The following RAD51B variants were observed in gnomAD, a reference collection of about 807,000 sequenced individuals.
RAD51B encodes the protein RAD51 paralog B.
A neutral mutation model predicts 42.2 loss-of-function variants in RAD51B; 38 were observed. The ratio of observed to expected loss-of-function variants is 0.90; its 90% confidence interval spans 0.70 to 1.18. The LOEUF is 1.18. Among genes scored for constraint, RAD51B ranks in the 50% most tolerant of loss-of-function variants. RAD51B has a pLI of 0.00. For synonymous variants in RAD51B, 154 were observed against 145.2 expected, an observed-to-expected ratio of 1.06 and a Z score of -0.43; for missense variants, 373 against 400.7, an observed-to-expected ratio of 0.93 and a Z score of 0.59.
intron 5 of RAD51B, among the ~76,000 whole-genome samples, chr14:67,875,173 AG>A (rs2042685809): frequency 1.3e-5 from 2 of 152,200 alleles, no homozygotes; most frequent in African/African-American, 2.4e-5. Context: ...AAATCAGAAA[AG>A]CTTTGAAAAT....
intron 7 of RAD51B, among the ~76,000 whole-genome samples, chr14:68,233,861 G>A (rs1051263027): frequency 5.3e-5 from 8 of 152,174 alleles, no homozygotes; most frequent in South Asian, 2.1e-4. Flanking sequence ...AAAATGAGCC[G>A]AAATAGGTTA....
At chr14:68,116,252 A>T (rs554603766) in intron 7 of RAD51B, among the ~76,000 whole-genome samples, 4 of 151,572 alleles carry the variant, frequency 2.6e-5, no homozygotes, top group Non-Finnish European at 5.9e-5. Flanking sequence ...GAACTGCAAG[A>T]CTAACAGTAA....
chr14:68,309,869 G>A (rs2081935207), intron 8 of RAD51B, among the ~76,000 whole-genome samples: 1 of 152,156 alleles, frequency 6.6e-6, no homozygotes, highest in South Asian at 2.1e-4. Flanking sequence ...ATAATCATGG[G>A]GAAGTGGTTA....
At chr14:68,250,955 A>T (rs1272395472) in intron 7 of RAD51B, among the ~76,000 whole-genome samples, 1 of 152,216 alleles carries the variant, frequency 6.6e-6, no homozygotes, top group African/African-American at 2.4e-5. Flanking sequence ...TCAGTGTAAA[A>T]AAGCAACTTA....
chr14:68,343,177 A>C (rs2082605927), intron 8 of RAD51B, among the ~76,000 whole-genome samples: 1 of 152,196 alleles, frequency 6.6e-6, no homozygotes, highest in Non-Finnish European at 1.5e-5. Flanking sequence ...AACAATTTTC[A>C]AATGTACAGT....
chr14:68,199,997 T>C (rs2079450501), intron 7 of RAD51B, among the ~76,000 whole-genome samples: 1 of 152,250 alleles, frequency 6.6e-6, no homozygotes, highest in Non-Finnish European at 1.5e-5. Context: ...TACCCTTTGA[T>C]GTTTATATTG....
intron 5 of RAD51B, among the ~76,000 whole-genome samples, chr14:67,866,763 C>T (rs1223866284): frequency 6.6e-6 from 1 of 152,102 alleles, no homozygotes; most frequent in African/African-American, 2.4e-5. Flanking sequence ...TGTTTTTTGT[C>T]TTTGCATAGA....
At chr14:68,013,598 T>C (rs559443471) in intron 7 of RAD51B, among the ~76,000 whole-genome samples, 1 of 152,314 alleles carries the variant, frequency 6.6e-6, no homozygotes, top group Admixed American at 6.5e-5. Flanking sequence ...TCCATAACAG[T>C]CTTATTTTAC....
intron 7 of RAD51B, among the ~76,000 whole-genome samples, chr14:68,039,116 T>G (rs1258922074): frequency 6.6e-6 from 1 of 152,146 alleles, no homozygotes; most frequent in Non-Finnish European, 1.5e-5. Context: ...GGAAAAAATG[T>G]TAATAACACA....
intron 7 of RAD51B, among the ~76,000 whole-genome samples, chr14:68,010,337 C>G (rs2075662695): frequency 6.6e-6 from 1 of 151,712 alleles, no homozygotes; most frequent in African/African-American, 2.4e-5. Context: ...TAATGCAAGT[C>G]AATATATAAT....
intron 7 of RAD51B, among the ~76,000 whole-genome samples, chr14:68,098,437 A>G (rs2077231907): frequency 6.6e-6 from 1 of 152,248 alleles, no homozygotes; most frequent in Non-Finnish European, 1.5e-5. Flanking sequence ...CTCTGCTGAT[A>G]AAGACATACC....
chr14:68,429,157 A>T (rs914249239), intron 9 of RAD51B, among the ~76,000 whole-genome samples: 2 of 152,238 alleles, frequency 1.3e-5, no homozygotes, highest in South Asian at 2.1e-4. Context: ...TCTATCATTG[A>T]TGGACATTTG....
At chr14:67,985,724 A>G (rs1179099824) in intron 7 of RAD51B, among the ~76,000 whole-genome samples, 17 of 151,848 alleles carry the variant, frequency 1.1e-4, no homozygotes, top group Admixed American at 1.1e-3. Flanking sequence ...CAACATGATG[A>G]AACCACATCT....
At chr14:67,958,584 A>T (rs905011659) in intron 7 of RAD51B, among the ~76,000 whole-genome samples, 4 of 152,254 alleles carry the variant, frequency 2.6e-5, no homozygotes, top group African/African-American at 9.6e-5. Flanking sequence ...GATAAAAGCT[A>T]TAGTAAAAAA....
downstream of RAD51B, among the ~76,000 whole-genome samples, chr14:68,600,183 G>A (rs950757605): frequency 2.6e-5 from 4 of 152,182 alleles, no homozygotes; most frequent in Non-Finnish European, 5.9e-5. Context: ...ACTTGGAAGG[G>A]ATTCTTTGCA....
chr14:67,871,138 G>T (rs1595038095), intron 5 of RAD51B, among the ~76,000 whole-genome samples: 1 of 152,112 alleles, frequency 6.6e-6, no homozygotes, highest in Non-Finnish European at 1.5e-5. Flanking sequence ...AAAAATTGAT[G>T]AATCCAGGAG....
At chr14:68,044,340 T>C (rs1050924442) in intron 7 of RAD51B, among the ~76,000 whole-genome samples, 29 of 152,228 alleles carry the variant, frequency 1.9e-4, no homozygotes, top group Non-Finnish European at 5.9e-5. Context: ...TTTTATTTGC[T>C]TCAAATAGTG....
At position 67,992,948 on chromosome 14, in the gene RAD51B, G is replaced by A. The variant is rs1007315840; in HGVS notation, c.756+105744G>A. ...TTCATTAATTTATAAATATTTTTTC[G>A]GATACCTGGTAAGTGCTGGTCGCTC... On this transcript the variant is annotated intron_variant, in intron 7 of 10. Coordinates refer to ENST00000471583, the MANE Select transcript of RAD51B (RefSeq NM_133510.4). Among the ~76,000 whole-genome samples, 16 of 151,898 alleles carry A rather than the reference G, an allele frequency of 1.1e-4. No homozygotes were observed. In the South Asian group the frequency reaches 1.2e-3, roughly 12 times the overall value.
chr14:68,311,878 G>A (rs1327204629), intron 8 of RAD51B, among the ~76,000 whole-genome samples: 3 of 152,170 alleles, frequency 2.0e-5, no homozygotes, highest in Admixed American at 2.0e-4. Context: ...GGGCTGCAGA[G>A]CAAGACTCCC....
Sources: gnomAD v4.1 joint callset for allele counts (sites outside exome capture counted in the v4.1 genomes callset) on GRCh38, gnomAD v4.1.1 for gene constraint, MANE v1.5 for transcripts, NCBI Gene and HGNC (gene_info 2026-07-23, HGNC 2026-07-21) for gene names.